SPATA1: variants seen among roughly 807,000 people sequenced by gnomAD.
The protein encoded by SPATA1 is spermatogenesis-associated protein 1.
SPATA1 carries 57 observed loss-of-function variants against 59.6 expected under a neutral mutation model. The ratio of observed to expected loss-of-function variants is 0.96; its 90% CI spans 0.77 to 1.19. The LOEUF (loss-of-function observed/expected upper bound fraction) is 1.19. Ranked by LOEUF, SPATA1 falls within the 50% of genes most tolerant of loss-of-function variation. SPATA1 has a pLI of 0.00. For synonymous variants in SPATA1, 147 were observed against 163.9 expected, an observed-to-expected ratio of 0.90 and a Z score of 0.79; for missense variants, 448 against 480.7, an observed-to-expected ratio of 0.93 and a Z score of 0.64.
chr1:84,525,643 A>C, intron 4 of SPATA1, 53 bp from the exon 5 acceptor site: 2 of 1,497,978 alleles, frequency 1.3e-6, no homozygotes, highest in Non-Finnish European at 1.8e-6. Flanking sequence ...GGTAAAAATA[A>C]TTGAAAAAAA....
intron 7 of SPATA1, 77 bp from the exon 8 acceptor site, chr1:84,533,631 TA>T: frequency 8.6e-7 from 1 of 1,163,860 alleles, no homozygotes; most frequent in Non-Finnish European, 1.2e-6. Context: ...GAGCATCAAA[TA>T]AAATACATAA....
intron 2 of SPATA1, among the ~76,000 whole-genome samples, chr1:84,519,263 T>C (rs1274022596): frequency 6.6e-6 from 1 of 152,106 alleles, no homozygotes; most frequent in African/African-American, 2.4e-5. Context: ...CTAATGGTTT[T>C]AATGAAAATG....
At chr1:84,520,444 G>A (rs1170516259) in intron 2 of SPATA1, 141 bp from the exon 3 acceptor site, 3 of 542,518 alleles carry the variant, frequency 5.5e-6, no homozygotes, top group Non-Finnish European at 9.2e-6. Flanking sequence ...AGTTCATTTT[G>A]GTTTTTGTTT....
intron 1 of SPATA1, among the ~76,000 whole-genome samples, chr1:84,513,842 AT>A (rs60377217): frequency 0.029 from 3,563 of 124,934 alleles, 103 homozygotes; most frequent in African/African-American, 0.11. Context: ...TCTATATTCT[AT>A]TTTTTTTTTT....
intron 2 of SPATA1, among the ~76,000 whole-genome samples, chr1:84,519,485 A>G (rs923620323): frequency 6.6e-6 from 1 of 152,024 alleles, no homozygotes; most frequent in Non-Finnish European, 1.5e-5. Context: ...ATTTAGTTCA[A>G]GAAACAGTTT....
chr1:84,563,267 T>C lies in SPATA1; in HGVS notation n.443-2594T>C, dbSNP rs779414200. 9.0e-6 allele frequency: 14 copies of C among 1,547,546 alleles called. 1 individual carries two copies. The highest frequency in any genetic ancestry group is 2.0e-4 in the Middle Eastern group (1 of 5,028). ...TACGAAAAGTCTTACTTTATAGTTA[T>C]AATAAGGAGCCCGCTGATCTTTATC... On this transcript the variant is annotated intron_variant and non_coding_transcript_variant, in intron 4 of 4. Coordinates refer to the SPATA1 transcript ENST00000460286.
intron 6 of SPATA1, 59 bp downstream of exon 6, chr1:84,526,132 A>G: frequency 2.1e-6 from 3 of 1,424,670 alleles, no homozygotes; most frequent in Non-Finnish European, 2.9e-6. Flanking sequence ...TTTAGCAGTC[A>G]AGTCTGTAAG....
chr1:84,562,264 G>A (rs1403642351), intron 4 of SPATA1, among the ~76,000 whole-genome samples: 1 of 152,182 alleles, frequency 6.6e-6, no homozygotes, highest in African/African-American at 2.4e-5. Context: ...ATCTGTGTGT[G>A]TAATATTAAC....
intron 10 of SPATA1, among the ~76,000 whole-genome samples, chr1:84,546,079 A>C (rs1684076248): frequency 6.6e-6 from 1 of 152,222 alleles, no homozygotes; most frequent in Admixed American, 6.5e-5. Flanking sequence ...CTTAGGAGAC[A>C]CTATTAAGAC....
At chr1:84,518,384 C>T (rs1396121724) in intron 2 of SPATA1, among the ~76,000 whole-genome samples, 1 of 151,860 alleles carries the variant, frequency 6.6e-6, no homozygotes, top group East Asian at 1.9e-4. Context: ...TACAGAGGTC[C>T]TTATTTTTAG....
chr1:84,549,254 G>A (rs1684196226), intron 11 of SPATA1, among the ~76,000 whole-genome samples: 1 of 151,970 alleles, frequency 6.6e-6, no homozygotes, highest in African/African-American at 2.4e-5. Context: ...GGGCAAGTAG[G>A]GCTTTATATC....
At chr1:84,551,162 A>T in intron 12 of SPATA1, 2 of 985,240 alleles carry the variant, frequency 2.0e-6, no homozygotes, top group Non-Finnish European at 2.4e-6. Flanking sequence ...TTTTTGTTGA[A>T]CAGAAAACAG....
intron 6 of SPATA1, among the ~76,000 whole-genome samples, chr1:84,527,172 A>C (rs1382372668): frequency 2.0e-5 from 3 of 152,164 alleles, no homozygotes; most frequent in African/African-American, 4.8e-5. Context: ...CAGCTTTAAT[A>C]GATGTTGTCT....
intron 1 of SPATA1, among the ~76,000 whole-genome samples, chr1:84,510,226 C>T (rs1019498486): frequency 6.6e-6 from 1 of 152,042 alleles, no homozygotes; most frequent in African/African-American, 2.4e-5. Flanking sequence ...AGAGACAACT[C>T]ACAGAATGGG....
chr1:84,522,487 A>T (rs2101941322), exon 4 of SPATA1: 8 of 1,532,134 alleles, frequency 5.2e-6, no homozygotes, highest in African/African-American at 1.4e-5. Flanking sequence ...TCTGAAATGC[A>T]TTGGAAATAA....
intron 6 of SPATA1, among the ~76,000 whole-genome samples, chr1:84,531,186 A>G (rs1683449327): frequency 6.6e-6 from 1 of 151,988 alleles, no homozygotes; most frequent in South Asian, 2.1e-4. Flanking sequence ...TTTGTTTGAG[A>G]CAGGGTCTCT....
chr1:84,526,042 G>A (rs756903418), exon 6 of SPATA1: 1 of 1,612,000 alleles, frequency 6.2e-7, no homozygotes, highest in Non-Finnish European at 8.5e-7. Context: ...AAAACACTTT[G>A]AAAGAGCTTC....
chr1:84,555,301 A>C, downstream of SPATA1: 1 of 843,544 alleles, frequency 1.2e-6, no homozygotes, highest in South Asian at 2.5e-5. Flanking sequence ...TAAGAGGGAA[A>C]AAAGTTTCCT....
downstream of SPATA1, among the ~76,000 whole-genome samples, chr1:84,556,348 T>C (rs1351262689): frequency 6.6e-6 from 1 of 152,154 alleles, no homozygotes; most frequent in East Asian, 1.9e-4. Context: ...GGAAACTCCT[T>C]AAAGGCATTT....
Sources: gnomAD v4.1 joint callset for allele counts (sites outside exome capture counted in the v4.1 genomes callset) on GRCh38, gnomAD v4.1.1 for gene constraint, MANE v1.5 for transcripts, NCBI Gene and HGNC (gene_info 2026-07-23, HGNC 2026-07-21) for gene names.